Variants in NR5A2 observed in about 807,000 individuals in gnomAD.
NR5A2 encodes the protein nuclear receptor subfamily 5 group A member 2.
In NR5A2, 26 loss-of-function variants were observed where a neutral mutation model predicts 62.7. The observed-to-expected ratio is 0.41, with a 90% CI of 0.30 to 0.58. NR5A2 has a LOEUF of 0.58. Ranked by LOEUF, NR5A2 falls within the 20% of genes least tolerant of loss-of-function variation. NR5A2 has a pLI of 0.22. For missense variants in NR5A2, 541 were observed against 669.1 expected (o/e 0.81, Z 2.11); for synonymous variants, 246 against 241.7 (o/e 1.02, Z -0.16).
At chr1:200,117,133 T>G (rs1333413285) in intron 6 of NR5A2, among the ~76,000 whole-genome samples, 1 of 152,242 alleles carries the variant, frequency 6.6e-6, no homozygotes, top group African/African-American at 2.4e-5. Flanking sequence ...ATATCTCCCT[T>G]GAATTTAATG....
chr1:200,076,238 C>G (rs1378955983), intron 5 of NR5A2, among the ~76,000 whole-genome samples: 2 of 152,148 alleles, frequency 1.3e-5, no homozygotes, highest in Non-Finnish European at 1.5e-5. Flanking sequence ...ATAATAAAAC[C>G]TCAACGTACC....
chr1:200,117,232 T>C (rs1310895038), intron 6 of NR5A2, among the ~76,000 whole-genome samples: 1 of 152,190 alleles, frequency 6.6e-6, no homozygotes, highest in African/African-American at 2.4e-5. Context: ...GAGCACAAAC[T>C]CTGCATTCAA....
chr1:200,130,852 A>G (rs1666941864), intron 7 of NR5A2, among the ~76,000 whole-genome samples: 1 of 152,214 alleles, frequency 6.6e-6, no homozygotes, highest in Non-Finnish European at 1.5e-5. Flanking sequence ...ATCTTTACCC[A>G]AGAGCATTGG....
rs1667781820 is a variant in NR5A2, at chr1:200,147,805, G to A, written c.1379-26158G>A. On this transcript the variant is annotated intron_variant, in intron 7 of 7. Coordinates refer to ENST00000367362, the MANE Select transcript of NR5A2 (RefSeq NM_205860.3). The surrounding 1 kb of genome is among the most constrained non-coding windows in gnomAD (Gnocchi z 4.9). ...GCCGGCACGGTGGGCAGCCGCCGTG[G>A]CGTCCAGCACCAGGTCCTGGCTGCA... 6.2e-6 allele frequency: 3 copies of A among 486,800 alleles called. No homozygotes were observed. The highest frequency in any genetic ancestry group is 7.8e-6 in the Non-Finnish European group (2 of 257,870). The allele number at this position is 486,800 out of a possible 1,614,324, so 30.2% of individuals were successfully genotyped here.
rs756874909 is a variant in NR5A2 at position 200,066,588 on chromosome 1, C to CTTTTT, written c.1110+17783_1110+17787dup. 4.4e-3 allele frequency among the ~76,000 whole-genome samples: 499 copies of CTTTTT among 113,108 alleles called. 20 individuals are homozygous for CTTTTT. The highest frequency in any genetic ancestry group is 0.015 in the Middle Eastern group (3 of 198). 74.2% of individuals were successfully genotyped at this position (113,108 alleles called of 152,430 possible). A position where few individuals can be genotyped will look rare whatever the true frequency, so the allele number is the denominator to read the frequency against. ...CCCTGCCATCTATTTAATTAATTATCTTTTTTTTTTTTTTTTTGAGAGGGA... is the reference window on the plus strand; with the variant it reads ...CCCTGCCATCTATTTAATTAATTATCTTTTTTTTTTTTTTTTTTTTTTGAGAGGGA... On this transcript the variant is annotated intron_variant, in intron 5 of 7. Coordinates refer to ENST00000367362, the MANE Select transcript of NR5A2 (RefSeq NM_205860.3).
chr1:200,122,729 T>A (rs1368907576), intron 7 of NR5A2, among the ~76,000 whole-genome samples: 1 of 152,182 alleles, frequency 6.6e-6, no homozygotes, highest in East Asian at 1.9e-4. Context: ...CACCAGTGAA[T>A]AGCTGGCCTA....
At chr1:200,074,756 A>T (rs866502305) in intron 5 of NR5A2, among the ~76,000 whole-genome samples, 3 of 137,640 alleles carry the variant, frequency 2.2e-5, no homozygotes. Flanking sequence ...AAAAAAAAAA[A>T]CACGAGAGAA....
intron 5 of NR5A2, among the ~76,000 whole-genome samples, chr1:200,105,156 T>A (rs1665586022): frequency 6.6e-6 from 1 of 152,058 alleles, no homozygotes; most frequent in Non-Finnish European, 1.5e-5. Flanking sequence ...GATAGGATCT[T>A]ACTATGTTGC....
chr1:200,092,071 T>A (rs1409898315), intron 5 of NR5A2, among the ~76,000 whole-genome samples: 1 of 152,184 alleles, frequency 6.6e-6, no homozygotes, highest in Non-Finnish European at 1.5e-5. Flanking sequence ...GAAACATGGA[T>A]CTTGAGCACA....
chr1:200,102,423 C>G (rs1174182016), intron 5 of NR5A2, among the ~76,000 whole-genome samples: 1 of 152,126 alleles, frequency 6.6e-6, no homozygotes, highest in Non-Finnish European at 1.5e-5. Flanking sequence ...TTGAGCTGTT[C>G]AAGAAGCAGA....
At chr1:200,041,033 TC>T (rs1662045027) in intron 2 of NR5A2, among the ~76,000 whole-genome samples, 2 of 151,870 alleles carry the variant, frequency 1.3e-5, no homozygotes, top group Non-Finnish European at 2.9e-5. Flanking sequence ...AAGCCTTTCT[TC>T]CGGGCACCTG....
At chr1:200,122,425 T>G (rs908523100) in intron 7 of NR5A2, among the ~76,000 whole-genome samples, 3 of 152,222 alleles carry the variant, frequency 2.0e-5, no homozygotes, top group African/African-American at 7.2e-5. Context: ...TACAGGGTCA[T>G]CTCATTTCAA....
At chr1:200,141,332 T>G (rs1667435689) in intron 7 of NR5A2, among the ~76,000 whole-genome samples, 1 of 152,216 alleles carries the variant, frequency 6.6e-6, no homozygotes, top group African/African-American at 2.4e-5. Flanking sequence ...CTCTGTAATT[T>G]TGATATTTCA....
At chr1:200,034,439 A>T (rs12407544) in intron 1 of NR5A2, among the ~76,000 whole-genome samples, 141 of 152,228 alleles carry the variant, frequency 9.3e-4, no homozygotes, top group Middle Eastern at 3.4e-3. Context: ...CTGGCGGGGC[A>T]CTCCAGGACC....
At chr1:200,089,174 T>C (rs2102249139) in intron 5 of NR5A2, among the ~76,000 whole-genome samples, 1 of 152,322 alleles carries the variant, frequency 6.6e-6, no homozygotes, top group East Asian at 1.9e-4. Flanking sequence ...TCACCTCCAA[T>C]AAGCCTCATT....
chr1:200,131,439 T>C (rs1666966952), intron 7 of NR5A2, among the ~76,000 whole-genome samples: 1 of 152,226 alleles, frequency 6.6e-6, no homozygotes. Flanking sequence ...TAAAAATATT[T>C]GTCATATTTT....
intron 5 of NR5A2, among the ~76,000 whole-genome samples, chr1:200,104,855 A>C (rs1200418800): frequency 6.6e-6 from 1 of 151,970 alleles, no homozygotes; most frequent in Non-Finnish European, 1.5e-5. Context: ...TAGAGATGGA[A>C]TTTCACCATG....
At chr1:200,079,639 A>G (rs912953302) in intron 5 of NR5A2, among the ~76,000 whole-genome samples, 3 of 152,200 alleles carry the variant, frequency 2.0e-5, no homozygotes, top group Non-Finnish European at 2.9e-5. Context: ...TCTGTCCACA[A>G]TTGGTTATGG....
At position 200,111,281 on chromosome 1, in the gene NR5A2, A is replaced by G; in HGVS notation, c.1190A>G (p.His397Arg). 6.2e-7 allele frequency: 1 copy of G among 1,612,946 alleles called. No individual in the cohort carries two copies. The stretch of plus-strand genomic sequence containing the variant: ...GACCACATTTACCGACAAGTGGTAC[A>G]TGGAAAGGAAGGATCCATCTTCCTG... ...ILDHIYRQVVHGKEGSIFLVT... is the reference protein window; with the variant it reads ...ILDHIYRQVVRGKEGSIFLVT... Residue 397 changes from histidine to arginine, a missense_variant, in exon 6 of 8, where the codon CAT (histidine) becomes CGT (arginine). This residue lies in a region of NR5A2 where 379 missense variants were observed against 442.0 expected (regional missense o/e 0.86). Transcript: ENST00000367362.
Sources: gnomAD v4.1 joint callset for allele counts (sites outside exome capture counted in the v4.1 genomes callset) on GRCh38, gnomAD v4.1.1 for gene constraint, gnomAD v4.1.1 regional missense constraint, Gnocchi (gnomAD v3.1) non-coding constraint, MANE v1.5 for transcripts, NCBI Gene and HGNC (gene_info 2026-07-23, HGNC 2026-07-21) for gene names.